ADGRL3: variants seen among roughly 807,000 people sequenced by gnomAD.
The protein encoded by ADGRL3 is adhesion G protein-coupled receptor L3.
Under a neutral mutation model 153.5 loss-of-function variants are expected in ADGRL3, and 62 were observed. That is an observed-to-expected ratio of 0.40 (90% confidence interval 0.33 to 0.50). The LOEUF is 0.50. ADGRL3 is among the 20% of genes least tolerant of loss of function. The probability of loss-of-function intolerance (pLI) is 0.47; values close to 1 mark genes in which losing one functional copy is unlikely to be tolerated. For synonymous variants in ADGRL3, 710 were observed against 672.5 expected (o/e 1.06, Z -0.86); for missense variants, 1,641 against 1,859.4 (o/e 0.88, Z 2.16).
intron 4 of ADGRL3, among the ~76,000 whole-genome samples, chr4:61,569,275 T>G (rs896770595): frequency 2.6e-5 from 4 of 152,120 alleles, no homozygotes; most frequent in African/African-American, 9.7e-5. Context: ...TTATATGTAA[T>G]TCACATGCCA....
At chr4:61,620,790 G>A (rs1199391561) in intron 5 of ADGRL3, among the ~76,000 whole-genome samples, 2 of 151,512 alleles carry the variant, frequency 1.3e-5, no homozygotes, top group Non-Finnish European at 2.9e-5. Flanking sequence ...ACAGGCACTC[G>A]CCACCATGCC....
chr4:61,753,228 GAAAAAAA>G (rs113199384), intron 8 of ADGRL3, among the ~76,000 whole-genome samples: 1 of 99,912 alleles, frequency 1.0e-5, no homozygotes, highest in African/African-American at 3.3e-5. Flanking sequence ...ACATTTCTGT[GAAAAAAA>G]AAAAAAAAAA....
chr4:61,582,842 C>T (rs1015439676), intron 4 of ADGRL3, among the ~76,000 whole-genome samples: 1 of 151,956 alleles, frequency 6.6e-6, no homozygotes, highest in African/African-American at 2.4e-5. Flanking sequence ...CTAAGGAGCA[C>T]CTTCTTCAAG....
chr4:61,608,787 A>G (rs1188818202), intron 5 of ADGRL3, among the ~76,000 whole-genome samples: 1 of 152,218 alleles, frequency 6.6e-6, no homozygotes, highest in Non-Finnish European at 1.5e-5. Flanking sequence ...AATCATTGAA[A>G]TATGCAACAG....
chr4:61,390,364 A>G (rs1284248776), intron 2 of ADGRL3, among the ~76,000 whole-genome samples: 2 of 152,184 alleles, frequency 1.3e-5, no homozygotes, highest in Non-Finnish European at 2.9e-5. Flanking sequence ...AAAAAATATT[A>G]TGATGGTCCA....
At chr4:61,720,464 A>C (rs2096221724) in intron 6 of ADGRL3, among the ~76,000 whole-genome samples, 1 of 152,184 alleles carries the variant, frequency 6.6e-6, no homozygotes, top group Admixed American at 6.5e-5. Flanking sequence ...TTGAAATCAC[A>C]ATCATATTTT....
At chr4:61,952,074 C>T (rs2098949228) in intron 17 of ADGRL3, among the ~76,000 whole-genome samples, 1 of 152,168 alleles carries the variant, frequency 6.6e-6, no homozygotes. Flanking sequence ...CATGTACATT[C>T]TCTTCTCCCT....
intron 2 of ADGRL3, among the ~76,000 whole-genome samples, chr4:61,476,733 A>AAAAAAC (rs1560699165): frequency 6.8e-6 from 1 of 147,880 alleles, no homozygotes. Context: ...AAAAAAAAAA[A>AAAAAAC]AAAAACAAAA....
rs1396410713 is a variant in ADGRL3, at chr4:61,676,852, T to C, written c.500T>C (p.Val167Ala). 3 of 1,612,124 alleles carry C rather than the reference T, an allele frequency of 1.9e-6. No individual in the cohort carries two copies. In the Admixed American group the frequency reaches 5.0e-5, roughly 27 times the overall value. Reference sequence around the variant, plus strand: ...TGCAATAACAGAACCCAGTGTGCAGTGGTGGCAGGTCCTGATGTTTTTCCA... The same window carrying C: ...TGCAATAACAGAACCCAGTGTGCAGCGGTGGCAGGTCCTGATGTTTTTCCA... Reference protein sequence around the residue: ...QRCNNRTQCAVVAGPDVFPDP... With the variant: ...QRCNNRTQCAAVAGPDVFPDP... Residue 167 changes from valine (V) to alanine (A), a missense_variant, in exon 6 of 27, where the codon GTG (valine) becomes GCG (alanine). By Grantham distance (64) the Val-to-Ala change is moderately conservative. Coordinates refer to ENST00000683033, the MANE Select transcript of ADGRL3 (RefSeq NM_001387552.1).
intron 21 of ADGRL3, among the ~76,000 whole-genome samples, chr4:62,015,951 G>A (rs1025243882): frequency 1.4e-4 from 21 of 151,634 alleles, no homozygotes; most frequent in South Asian, 4.1e-4. Context: ...TAAGGTATAC[G>A]CTTTCAAAGT....
chr4:61,889,989 G>A (rs1448388451), intron 9 of ADGRL3, among the ~76,000 whole-genome samples: 1 of 152,196 alleles, frequency 6.6e-6, no homozygotes, highest in Non-Finnish European at 1.5e-5. Context: ...AGAAGGGAAA[G>A]AAGACAATTG....
At chr4:61,797,385 A>G (rs769124078) in intron 8 of ADGRL3, among the ~76,000 whole-genome samples, 17 of 152,202 alleles carry the variant, frequency 1.1e-4, no homozygotes, top group Non-Finnish European at 1.9e-4. Context: ...TTTGGGGATT[A>G]TATTTTCTCC....
At chr4:61,252,206 T>C (rs1225716684) in intron 1 of ADGRL3, among the ~76,000 whole-genome samples, 4 of 152,130 alleles carry the variant, frequency 2.6e-5, no homozygotes, top group Non-Finnish European at 5.9e-5. Context: ...TGAGGACAAA[T>C]TGCCTATTTT....
At chr4:61,361,998 A>G (rs1049170265) in intron 1 of ADGRL3, among the ~76,000 whole-genome samples, 2 of 148,934 alleles carry the variant, frequency 1.3e-5, no homozygotes, top group Non-Finnish European at 3.0e-5. Context: ...ATATATATAA[A>G]TACATATATT....
intron 13 of ADGRL3, among the ~76,000 whole-genome samples, chr4:61,931,023 C>G (rs1016628502): frequency 6.6e-6 from 1 of 151,960 alleles, no homozygotes; most frequent in African/African-American, 2.4e-5. Flanking sequence ...TTTAATTAAC[C>G]TTCATTTAGC....
intron 9 of ADGRL3, among the ~76,000 whole-genome samples, chr4:61,853,537 G>A (rs1365591761): frequency 1.3e-5 from 2 of 151,978 alleles, no homozygotes; most frequent in African/African-American, 4.8e-5. Flanking sequence ...GAAAATACTT[G>A]GAAAAATGTA....
intron 8 of ADGRL3, among the ~76,000 whole-genome samples, chr4:61,740,085 C>G (rs2096565180): frequency 6.6e-6 from 1 of 152,200 alleles, no homozygotes; most frequent in Admixed American, 6.5e-5. Flanking sequence ...TAAGCATTAG[C>G]ACTTGAGTAC....
At chr4:62,028,999 G>A in intron 22 of ADGRL3, 118 bp downstream of exon 22, 2 of 810,730 alleles carry the variant, frequency 2.5e-6, no homozygotes, top group Non-Finnish European at 3.9e-6. Flanking sequence ...AGGCAGAAGA[G>A]CAAACTGTGC....
At chr4:61,960,082 A>G (rs2098982238) in intron 17 of ADGRL3, among the ~76,000 whole-genome samples, 1 of 152,216 alleles carries the variant, frequency 6.6e-6, no homozygotes, top group Non-Finnish European at 1.5e-5. Flanking sequence ...ATTTTATTAC[A>G]TTATCTTGAA....
Sources: allele counts gnomAD v4.1 joint callset (sites outside exome capture counted in the v4.1 genomes callset), GRCh38; gene constraint gnomAD v4.1.1; transcripts MANE v1.5; gene names NCBI Gene and HGNC (gene_info 2026-07-23, HGNC 2026-07-21).